DDX10: variants seen among roughly 807,000 people sequenced by gnomAD.
DDX10 encodes probable ATP-dependent RNA helicase DDX10.
In DDX10, 74 loss-of-function variants were observed where a neutral mutation model predicts 104.3. The observed-to-expected ratio is 0.71, with a 90% CI of 0.59 to 0.86. DDX10 has a LOEUF of 0.86. DDX10 is among the 40% of genes least tolerant of loss of function. The probability of loss-of-function intolerance (pLI) is 0.00; values close to 1 mark genes in which losing one functional copy is unlikely to be tolerated. For synonymous variants in DDX10, 351 were observed against 353.4 expected (o/e 0.99, Z 0.08); for missense variants, 952 against 1,040.0 (o/e 0.92, Z 1.16).
intron 13 of DDX10, among the ~76,000 whole-genome samples, chr11:108,769,190 GTT>G (rs528879155): frequency 6.9e-6 from 1 of 144,690 alleles, no homozygotes. Context: ...AAATTATCAA[GTT>G]TTTTTTTTTT....
chr11:108,715,258 T>C (rs561604981), intron 10 of DDX10, among the ~76,000 whole-genome samples: 2 of 152,296 alleles, frequency 1.3e-5, no homozygotes, highest in African/African-American at 4.8e-5. Context: ...CTCACACCTG[T>C]AACTCAGCAC....
intron 10 of DDX10, among the ~76,000 whole-genome samples, chr11:108,715,648 G>A (rs561874322): frequency 6.6e-6 from 1 of 152,246 alleles, no homozygotes; most frequent in South Asian, 2.1e-4. Context: ...ATTTCACTCA[G>A]CATGGGATGT....
intron 5 of DDX10, among the ~76,000 whole-genome samples, chr11:108,679,156 C>T (rs1238524826): frequency 6.6e-6 from 1 of 152,092 alleles, no homozygotes; most frequent in African/African-American, 2.4e-5. Context: ...TGTGCCCAGC[C>T]TTCCCCTGGT....
intron 16 of DDX10, among the ~76,000 whole-genome samples, chr11:108,884,689 C>T (rs1863271881): frequency 1.3e-5 from 2 of 152,150 alleles, no homozygotes; most frequent in South Asian, 4.1e-4. Flanking sequence ...AATTATTGAT[C>T]TTATTGGTTC....
intron 16 of DDX10, among the ~76,000 whole-genome samples, chr11:108,864,407 A>G (rs1235522569): frequency 6.6e-6 from 1 of 151,488 alleles, no homozygotes; most frequent in East Asian, 1.9e-4. Flanking sequence ...ATATCCATAT[A>G]TAGAATAAAC....
At chr11:108,703,259 T>C (rs1053192450) in intron 9 of DDX10, among the ~76,000 whole-genome samples, 2 of 152,242 alleles carry the variant, frequency 1.3e-5, no homozygotes, top group African/African-American at 4.8e-5. Context: ...ATGTTGTACA[T>C]GATAAATATA....
intron 13 of DDX10, among the ~76,000 whole-genome samples, chr11:108,811,347 G>C (rs1304916622): frequency 6.6e-6 from 1 of 152,114 alleles, no homozygotes; most frequent in Non-Finnish European, 1.5e-5. Context: ...GCAAAAAATG[G>C]CTTCATGAAA....
At chr11:108,885,455 T>C (rs909926617) in intron 16 of DDX10, among the ~76,000 whole-genome samples, 10 of 151,434 alleles carry the variant, frequency 6.6e-5, no homozygotes, top group African/African-American at 2.4e-4. Context: ...CCTCCTGGGT[T>C]CAAGCAATTC....
chr11:108,679,019 C>T (rs1228417947), intron 5 of DDX10, among the ~76,000 whole-genome samples: 1 of 151,758 alleles, frequency 6.6e-6, no homozygotes, highest in Non-Finnish European at 1.5e-5. Context: ...CCACCACGCC[C>T]AGCTAATTTT....
intron 5 of DDX10, among the ~76,000 whole-genome samples, chr11:108,679,151 C>G (rs2094230842): frequency 6.6e-6 from 1 of 152,040 alleles, no homozygotes; most frequent in African/African-American, 2.4e-5. Context: ...GCCACTGTGC[C>G]CAGCCTTCCC....
chr11:108,689,164 T>TA (rs2094248650), intron 7 of DDX10, 102 bp downstream of exon 7: 4 of 1,250,286 alleles, frequency 3.2e-6, no homozygotes, highest in African/African-American at 3.0e-5. Flanking sequence ...AGTACAGTGC[T>TA]AGGTGTGGTG....
intron 13 of DDX10, among the ~76,000 whole-genome samples, chr11:108,808,906 C>G (rs552457789): frequency 4.6e-5 from 7 of 152,136 alleles, no homozygotes; most frequent in Non-Finnish European, 7.4e-5. Context: ...AGGGCATGTA[C>G]GTAGTTTTTA....
chr11:108,905,745 C>G (rs747962172), intron 16 of DDX10, among the ~76,000 whole-genome samples: 4 of 152,066 alleles, frequency 2.6e-5, no homozygotes, highest in Non-Finnish European at 5.9e-5. Flanking sequence ...TGTTGCATTA[C>G]TATAAAAAAA....
chr11:108,758,589 G>T (rs761599677), intron 13 of DDX10, among the ~76,000 whole-genome samples: 6 of 151,990 alleles, frequency 3.9e-5, no homozygotes, highest in Non-Finnish European at 8.8e-5. Context: ...TTTCTGGGAG[G>T]CTCTAGAGGT....
At chr11:108,927,490 A>G (rs1431920484) in intron 17 of DDX10, among the ~76,000 whole-genome samples, 1 of 152,186 alleles carries the variant, frequency 6.6e-6, no homozygotes, top group African/African-American at 2.4e-5. Context: ...CTGCCCCAGC[A>G]TCCTTGGAAG....
At chr11:108,825,546 G>A (rs1347524570) in intron 13 of DDX10, among the ~76,000 whole-genome samples, 1 of 152,176 alleles carries the variant, frequency 6.6e-6, no homozygotes, top group African/African-American at 2.4e-5. Context: ...GAACACAGCT[G>A]AGATCACTGC....
intron 16 of DDX10, among the ~76,000 whole-genome samples, chr11:108,885,515 G>A (rs1421695185): frequency 2.6e-5 from 4 of 151,858 alleles, no homozygotes; most frequent in East Asian, 3.9e-4. Context: ...CCGCCAGCAC[G>A]CCTGGTTAAT....
chr11:108,841,845 C>T (rs1036665455), intron 15 of DDX10, among the ~76,000 whole-genome samples: 1 of 152,120 alleles, frequency 6.6e-6, no homozygotes, highest in African/African-American at 2.4e-5. Context: ...TTATATAAAA[C>T]TATGCAGTAT....
chr11:108,766,174 CAT>C (rs2094356094), intron 13 of DDX10, among the ~76,000 whole-genome samples: 1 of 152,114 alleles, frequency 6.6e-6, no homozygotes, highest in Non-Finnish European at 1.5e-5. Flanking sequence ...CTAATGAAAG[CAT>C]AATTTTTTTG....
Sources: gnomAD v4.1 joint callset for allele counts (sites outside exome capture counted in the v4.1 genomes callset) on GRCh38, gnomAD v4.1.1 for gene constraint, MANE v1.5 for transcripts, NCBI Gene and HGNC (gene_info 2026-07-23, HGNC 2026-07-21) for gene names.